The following LTBP1 variants were observed in gnomAD, a reference collection of about 807,000 sequenced individuals.
LTBP1 encodes latent-transforming growth factor beta-binding protein 1.
A neutral mutation model predicts 207.6 loss-of-function variants in LTBP1; 129 were observed. The ratio of observed to expected loss-of-function variants is 0.62; its 90% CI spans 0.54 to 0.72. The LOEUF is 0.72. Ranked by LOEUF, LTBP1 falls within the 30% of genes least tolerant of loss-of-function variation. The pLI, the probability that LTBP1 is intolerant of heterozygous loss-of-function variation, is 0.00. For missense variants in LTBP1, 2,281 were observed against 2,217.2 expected (o/e 1.03, Z -0.58); for synonymous variants, 963 against 833.7 (o/e 1.16, Z -2.67).
At chr2:33,277,893 G>A (rs1480307546) in intron 18 of LTBP1, among the ~76,000 whole-genome samples, 2 of 141,242 alleles carry the variant, frequency 1.4e-5, no homozygotes, top group Non-Finnish European at 3.0e-5. Context: ...GCAGTGGTGC[G>A]ATCTCAGCTC....
intron 31 of LTBP1, among the ~76,000 whole-genome samples, chr2:33,379,488 G>A (rs1324050487): frequency 3.9e-5 from 6 of 152,088 alleles, no homozygotes. Flanking sequence ...GGATTCATAG[G>A]CATGAGCCAC....
intron 24 of LTBP1, among the ~76,000 whole-genome samples, chr2:33,319,633 G>A (rs532273102): frequency 6.6e-6 from 1 of 152,094 alleles, no homozygotes; most frequent in African/African-American, 2.4e-5. Flanking sequence ...GAACAACTGC[G>A]CTCTCCCAGT....
At chr2:33,164,912 C>T (rs1047298158) in intron 5 of LTBP1, among the ~76,000 whole-genome samples, 1 of 152,198 alleles carries the variant, frequency 6.6e-6, no homozygotes, top group Non-Finnish European at 1.5e-5. Flanking sequence ...CCACCTGAAC[C>T]TTCAGGGAGC....
At chr2:32,971,014 GT>G (rs2148579412) in intron 2 of LTBP1, among the ~76,000 whole-genome samples, 2 of 150,310 alleles carry the variant, frequency 1.3e-5, no homozygotes, top group African/African-American at 4.9e-5. Context: ...GTGTGTGTGT[GT>G]GTGTGTGTGT....
intron 2 of LTBP1, among the ~76,000 whole-genome samples, chr2:33,003,391 T>A (rs181602028): frequency 6.6e-6 from 1 of 152,338 alleles, no homozygotes. Flanking sequence ...CAGTTGAGGC[T>A]TAAGAGGGTT....
chr2:33,243,923 G>T, intron 10 of LTBP1, 139 bp downstream of exon 10: 1 of 902,582 alleles, frequency 1.1e-6, no homozygotes. Context: ...ACAAGCAAGG[G>T]GCCTGCCTGA....
At chr2:33,010,057 G>T (rs1471306803) in intron 2 of LTBP1, among the ~76,000 whole-genome samples, 9 of 152,168 alleles carry the variant, frequency 5.9e-5, no homozygotes, top group African/African-American at 1.9e-4. Flanking sequence ...AGCAGAGGAT[G>T]GCAGTGAAGT....
chr2:33,378,225 TG>T (rs2095168776), intron 31 of LTBP1, among the ~76,000 whole-genome samples: 4 of 126,486 alleles, frequency 3.2e-5, no homozygotes, highest in African/African-American at 1.2e-4. Context: ...GTGTGTGTTT[TG>T]TTTGTTTGTT....
intron 2 of LTBP1, among the ~76,000 whole-genome samples, chr2:32,959,356 A>G (rs567656107): frequency 1.3e-5 from 2 of 151,988 alleles, no homozygotes; most frequent in Admixed American, 6.6e-5. Flanking sequence ...GGGAATTTTT[A>G]TAGAGGAGAT....
At chr2:33,193,622 G>C (rs1342202226) in intron 7 of LTBP1, among the ~76,000 whole-genome samples, 1 of 152,158 alleles carries the variant, frequency 6.6e-6, no homozygotes, top group Non-Finnish European at 1.5e-5. Context: ...AGGCAAGCAA[G>C]TTTTTCTGAC....
At chr2:33,047,609 G>T (rs1179738712) in intron 3 of LTBP1, among the ~76,000 whole-genome samples, 1 of 152,176 alleles carries the variant, frequency 6.6e-6, no homozygotes, top group African/African-American at 2.4e-5. Context: ...GGGGTGGAGA[G>T]TTCTGTAGAC....
At chr2:33,040,517 T>C (rs1000941116) in intron 3 of LTBP1, among the ~76,000 whole-genome samples, 1 of 152,184 alleles carries the variant, frequency 6.6e-6, no homozygotes, top group African/African-American at 2.4e-5. Flanking sequence ...CCACAGAACC[T>C]AAACTCATTT....
intron 2 of LTBP1, among the ~76,000 whole-genome samples, chr2:32,974,752 T>C (rs1681443806): frequency 6.6e-6 from 1 of 152,224 alleles, no homozygotes. Context: ...CCCTTTACTT[T>C]TAGTCTACGG....
At chr2:33,184,129 T>C (rs10179329) in intron 5 of LTBP1, among the ~76,000 whole-genome samples, 9 of 152,124 alleles carry the variant, frequency 5.9e-5, no homozygotes, top group Non-Finnish European at 7.3e-5. Flanking sequence ...TCAACTTGAA[T>C]TTCAATTGCT....
chr2:32,988,997 C>T (rs1403143201), intron 2 of LTBP1, among the ~76,000 whole-genome samples: 1 of 152,016 alleles, frequency 6.6e-6, no homozygotes, highest in Non-Finnish European at 1.5e-5. Context: ...ACTTTGAATT[C>T]CAAAATGACG....
chr2:33,064,395 G>T (rs1184600436), intron 3 of LTBP1, among the ~76,000 whole-genome samples: 1 of 152,164 alleles, frequency 6.6e-6, no homozygotes, highest in Non-Finnish European at 1.5e-5. Flanking sequence ...GATGCTGACA[G>T]AAGACAGGAG....
chr2:33,043,848 G>T (rs145816852), intron 3 of LTBP1, among the ~76,000 whole-genome samples: 1 of 152,256 alleles, frequency 6.6e-6, no homozygotes, highest in East Asian at 1.9e-4. Context: ...ATGAGAGACG[G>T]TGTTTAAATA....
intron 19 of LTBP1, among the ~76,000 whole-genome samples, chr2:33,289,515 A>C (rs892404885): frequency 2.6e-5 from 4 of 151,954 alleles, no homozygotes; most frequent in African/African-American, 7.3e-5. Flanking sequence ...ACGCACCACC[A>C]CACTCAGCTA....
At chr2:32,985,338 C>T (rs898110704) in intron 2 of LTBP1, among the ~76,000 whole-genome samples, 1 of 152,140 alleles carries the variant, frequency 6.6e-6, no homozygotes, top group African/African-American at 2.4e-5. Flanking sequence ...GTAATCGCTA[C>T]AGTAAGCCCA....
Sources: allele counts gnomAD v4.1 joint callset (sites outside exome capture counted in the v4.1 genomes callset), GRCh38; gene constraint gnomAD v4.1.1; transcripts MANE v1.5; gene names NCBI Gene and HGNC (gene_info 2026-07-23, HGNC 2026-07-21).